Variants in STK32B observed in about 807,000 individuals in gnomAD.
The protein encoded by STK32B is serine/threonine kinase 32B.
In STK32B, 43 loss-of-function variants were observed where a neutral mutation model predicts 52.6. That is an observed-to-expected ratio of 0.82 (90% CI 0.64 to 1.05). The LOEUF (loss-of-function observed/expected upper bound fraction) is 1.05. STK32B is among the 50% of genes least tolerant of loss of function. The pLI, the probability that STK32B is intolerant of heterozygous loss-of-function variation, is 0.00. For missense variants in STK32B, 621 were observed against 534.6 expected, an observed-to-expected ratio of 1.16 and a Z score of -1.59; for synonymous variants, 238 against 204.3, an observed-to-expected ratio of 1.17 and a Z score of -1.41.
intron 3 of STK32B, among the ~76,000 whole-genome samples, chr4:5,190,699 G>T (rs1187307663): frequency 6.6e-6 from 1 of 152,154 alleles, no homozygotes; most frequent in Non-Finnish European, 1.5e-5. Flanking sequence ...TGTGAATAAG[G>T]ATGCTCACAG....
At chr4:5,089,638 T>A (rs919960275) in intron 1 of STK32B, among the ~76,000 whole-genome samples, 10 of 152,132 alleles carry the variant, frequency 6.6e-5, no homozygotes, top group Non-Finnish European at 1.5e-5. Context: ...CTAGTGTGTA[T>A]GTATGTAGTA....
chr4:5,451,563 C>T (rs757577263), intron 7 of STK32B, among the ~76,000 whole-genome samples: 8 of 152,104 alleles, frequency 5.3e-5, no homozygotes, highest in Admixed American at 3.9e-4. Context: ...TTCAGTGAGC[C>T]TGTTTCTTAT....
intron 1 of STK32B, among the ~76,000 whole-genome samples, chr4:5,102,595 G>C (rs1713866534): frequency 6.7e-6 from 1 of 150,096 alleles, no homozygotes; most frequent in African/African-American, 2.5e-5. Flanking sequence ...GCAGTGGTGT[G>C]ATCATGGCTC....
chr4:5,103,663 G>A (rs1258966184), intron 1 of STK32B, among the ~76,000 whole-genome samples: 1 of 152,148 alleles, frequency 6.6e-6, no homozygotes, highest in Non-Finnish European at 1.5e-5. Context: ...GGGCCACGGA[G>A]TTTGCCCATC....
chr4:5,411,972 G>A (rs195112), intron 5 of STK32B, among the ~76,000 whole-genome samples: 83,249 of 152,022 alleles, frequency 0.55, 24,007 homozygotes, highest in Non-Finnish European at 0.65. Flanking sequence ...TCTATCAATC[G>A]TGTAAGTCCT....
chr4:5,254,374 T>A (rs1560263620), intron 3 of STK32B, among the ~76,000 whole-genome samples: 1 of 152,116 alleles, frequency 6.6e-6, no homozygotes, highest in East Asian at 1.9e-4. Context: ...ATTGTTTATT[T>A]GTTTTTATTT....
chr4:5,035,054 A>G, the STK32B span, among the ~76,000 whole-genome samples: 2 of 152,254 alleles, frequency 1.3e-5, no homozygotes, highest in African/African-American at 2.4e-5. Flanking sequence ...ATTGGCTCCA[A>G]TGGGGAGGTA....
chr4:5,153,397 T>A (rs1453099027), intron 2 of STK32B, among the ~76,000 whole-genome samples: 2 of 151,974 alleles, frequency 1.3e-5, no homozygotes, highest in Non-Finnish European at 2.9e-5. Context: ...GGTTCTTATG[T>A]GAGAATAAGG....
intron 1 of STK32B, among the ~76,000 whole-genome samples, chr4:5,057,624 G>A (rs1742057379): frequency 6.6e-6 from 1 of 152,138 alleles, no homozygotes; most frequent in Non-Finnish European, 1.5e-5. Context: ...TAGGATAGAG[G>A]GAGGATTTAT....
intron 1 of STK32B, among the ~76,000 whole-genome samples, chr4:5,126,621 C>T (rs1391469022): frequency 6.6e-6 from 1 of 152,204 alleles, no homozygotes; most frequent in Non-Finnish European, 1.5e-5. Context: ...TCATTTAGCT[C>T]TTCATTCTGG....
rs1047711155 is a variant in STK32B at position 5,453,152 on chromosome 4, GTTA to G, written c.667-3647_667-3645del. 1.3e-5 allele frequency among the ~76,000 whole-genome samples: 2 copies of G among 152,002 alleles called. No homozygotes were observed. Among genetic ancestry groups the G allele is most frequent in the South Asian group, 2.1e-4 (1 of 4,822 alleles). On this transcript the variant is annotated intron_variant, in intron 7 of 11. Transcript: ENST00000282908. The surrounding 1 kb of genome is among the most constrained non-coding windows in gnomAD (Gnocchi z 4.0). ...TGCACTGGCTTCCTAGTGCATTGGAGTTATTATTATCATCATTGTTTTTGTAAT... is the reference window on the plus strand; with the variant it reads ...TGCACTGGCTTCCTAGTGCATTGGAGTTATTATCATCATTGTTTTTGTAAT...
intron 3 of STK32B, among the ~76,000 whole-genome samples, chr4:5,221,941 C>T (rs947166880): frequency 2.0e-5 from 3 of 151,996 alleles, no homozygotes; most frequent in African/African-American, 7.3e-5. Context: ...ACCAGGTCTC[C>T]TCCATCACAA....
intron 3 of STK32B, among the ~76,000 whole-genome samples, chr4:5,228,248 A>G (rs943238090): frequency 1.1e-4 from 16 of 152,196 alleles, no homozygotes; most frequent in African/African-American, 3.9e-4. Context: ...TGACTTGTCC[A>G]TTTGTAAGAC....
At chr4:5,299,270 CT>C (rs1030845069) in intron 3 of STK32B, among the ~76,000 whole-genome samples, 1 of 151,974 alleles carries the variant, frequency 6.6e-6, no homozygotes, top group Non-Finnish European at 1.5e-5. Flanking sequence ...TTCTTTTTAT[CT>C]TTTTTTAAAA....
chr4:5,184,695 A>AAAAAAAAGAAG lies in STK32B; in HGVS notation c.260+16247_260+16248insAAAAAGAAGAA, dbSNP rs58321341. On this transcript the variant is annotated intron_variant, in intron 3 of 11. Coordinates refer to ENST00000282908, the MANE Select transcript of STK32B (RefSeq NM_018401.3). The stretch of plus-strand genomic sequence containing the variant: ...GAGCGAGACTGTCTCAAAAAAAAAA[A>AAAAAAAAGAAG]AAGAAGAAGAAGAAGAAAAAGAAAA... 9.5e-3 allele frequency among the ~76,000 whole-genome samples: 1,305 copies of AAAAAAAAGAAG among 137,422 alleles called. 27 individuals are homozygous for AAAAAAAAGAAG. The highest frequency in any genetic ancestry group is 0.032 in the African/African-American group (1,189 of 37,074). 90.2% of individuals were successfully genotyped at this position (137,422 alleles called of 152,430 possible).
chr4:5,159,666 TGTATATGA>T (rs1718241084), intron 2 of STK32B, among the ~76,000 whole-genome samples: 1 of 84,916 alleles, frequency 1.2e-5, no homozygotes, highest in African/African-American at 6.3e-5. Context: ...TATATATGAA[TGTATATGA>T]ATATATATAT....
intron 1 of STK32B, among the ~76,000 whole-genome samples, chr4:5,124,673 A>T (rs1301682330): frequency 6.6e-6 from 1 of 152,190 alleles, no homozygotes; most frequent in East Asian, 1.9e-4. Context: ...AGGGAACAAG[A>T]CTGTGTGTAT....
At chr4:5,092,500 A>C (rs895625811) in intron 1 of STK32B, among the ~76,000 whole-genome samples, 3 of 150,040 alleles carry the variant, frequency 2.0e-5, no homozygotes, top group Non-Finnish European at 4.4e-5. Flanking sequence ...GCGCCACTGC[A>C]CTCTAGCCTG....
chr4:5,321,877 G>T (rs1038831688), intron 3 of STK32B, among the ~76,000 whole-genome samples: 2 of 152,094 alleles, frequency 1.3e-5, no homozygotes, highest in Non-Finnish European at 2.9e-5. Context: ...TGGTCTACGG[G>T]AGGCCATTGG....
Sources: allele counts gnomAD v4.1 joint callset (sites outside exome capture counted in the v4.1 genomes callset), GRCh38; gene constraint gnomAD v4.1.1; non-coding constraint Gnocchi (gnomAD v3.1); transcripts MANE v1.5; gene names NCBI Gene and HGNC (gene_info 2026-07-23, HGNC 2026-07-21).